CELF2: variants seen among roughly 807,000 people sequenced by gnomAD.
The protein encoded by CELF2 is CUGBP Elav-like family member 2.
In CELF2, 8 loss-of-function variants were observed where a neutral mutation model predicts 62.6. That is an observed-to-expected ratio of 0.13 (90% CI 0.07 to 0.23). The LOEUF (loss-of-function observed/expected upper bound fraction) is 0.23. Ranked by LOEUF, CELF2 falls within the 10% of genes least tolerant of loss-of-function variation. CELF2 has a pLI of 1.00. For synonymous variants in CELF2, 258 were observed against 250.0 expected (o/e 1.03, Z -0.30); for missense variants, 333 against 671.0 (o/e 0.50, Z 5.56).
rs2057527655 is a variant in CELF2, at chr10:11,017,941, G to A, written c.-149G>A. Reference sequence around the variant, plus strand: ...CGCTGGATTTCGGAGGGGATTGGCGGAGCGCGAGGAGAGAATGTGACAAGT... The same window carrying A: ...CGCTGGATTTCGGAGGGGATTGGCGAAGCGCGAGGAGAGAATGTGACAAGT... On this transcript the variant is annotated 5_prime_UTR_variant, in exon 1 of 13. Transcript: ENST00000633077. This position sits in a 1 kb window ranked among gnomAD's most constrained non-coding sequence, Gnocchi z 5.5. 2.3e-5 allele frequency: 23 copies of A among 984,814 alleles called. No homozygotes were observed. The highest frequency in any genetic ancestry group is 2.8e-5 in the Non-Finnish European group (23 of 831,002). The allele number at this position is 984,814 out of a possible 1,614,324, so 61.0% of individuals were successfully genotyped here. A position where few individuals can be genotyped will look rare whatever the true frequency, so the allele number is the denominator to read the frequency against.
At chr10:11,231,457 A>G (rs767872583) in intron 3 of CELF2, among the ~76,000 whole-genome samples, 2 of 152,168 alleles carry the variant, frequency 1.3e-5, no homozygotes, top group Non-Finnish European at 2.9e-5. Context: ...AAGAGAGAGC[A>G]TATACCCAGG....
At chr10:10,609,785 T>C in the CELF2 span, among the ~76,000 whole-genome samples, 1 of 152,230 alleles carries the variant, frequency 6.6e-6, no homozygotes, top group Non-Finnish European at 1.5e-5. Flanking sequence ...CCCAACTGGC[T>C]TGTGACTCAG....
chr10:10,887,232 T>C (rs1197712687), intron 1 of CELF2, among the ~76,000 whole-genome samples: 1 of 152,202 alleles, frequency 6.6e-6, no homozygotes, highest in Non-Finnish European at 1.5e-5. Context: ...TAAGCATTTC[T>C]GACAGTCAGT....
rs151324649 is a variant in CELF2, at chr10:11,034,692, G to A, written c.74+16529G>A. ...TCCCATTCAAAAGAGCTGCAGTGGT[G>A]GTGGTGCACTGCTCCATTAGGTCAG... On this transcript the variant is annotated intron_variant, in intron 1 of 12. Transcript: ENST00000633077. Among the ~76,000 whole-genome samples the A allele has an allele frequency of 6.6e-5, 10 of 152,256 alleles. No individual in the cohort carries two copies. The East Asian group carries it at 1.9e-3, about 29-fold the overall frequency.
At chr10:10,761,755 TG>T in the CELF2 span, among the ~76,000 whole-genome samples, 1 of 152,314 alleles carries the variant, frequency 6.6e-6, no homozygotes, top group African/African-American at 2.4e-5. Flanking sequence ...GCTTCCAGAC[TG>T]GAACACATAC....
intron 1 of CELF2, among the ~76,000 whole-genome samples, chr10:10,903,256 A>G (rs2063077722): frequency 6.6e-6 from 1 of 152,174 alleles, no homozygotes; most frequent in Admixed American, 6.5e-5. Flanking sequence ...TGAGGGTTCT[A>G]CCAGTCCACA....
the CELF2 span, among the ~76,000 whole-genome samples, chr10:10,497,651 G>A: frequency 2.4e-3 from 363 of 152,310 alleles, no homozygotes; most frequent in Non-Finnish European, 4.1e-3. Context: ...CTGCAAGAGA[G>A]TGTTTCAGCC....
chr10:10,749,117 C>T, the CELF2 span, among the ~76,000 whole-genome samples: 1 of 152,094 alleles, frequency 6.6e-6, no homozygotes, highest in Non-Finnish European at 1.5e-5. Context: ...GAAATGCTTG[C>T]AAGAAAACAG....
At chr10:10,596,080 A>G in the CELF2 span, among the ~76,000 whole-genome samples, 1 of 152,086 alleles carries the variant, frequency 6.6e-6, no homozygotes, top group African/African-American at 2.4e-5. Flanking sequence ...GGGAGAAGCA[A>G]GAACCCTTGT....
At position 11,197,047 on chromosome 10, in the gene CELF2, A is replaced by AGGAAAGGAAGAAGAG. The variant is rs140358437; in HGVS notation, c.272-20378_272-20377insGGAAAGGAAGAAGAG. ...AAGAAAAGAAAGAAAGAAAGAAAGA[A>AGGAAAGGAAGAAGAG]AGAAAGAAAGAAAAGAAAGAAAGGA... On this transcript the variant is annotated intron_variant, in intron 2 of 12. Coordinates refer to ENST00000633077, the MANE Select transcript of CELF2 (RefSeq NM_001326342.2). 7.8e-5 allele frequency among the ~76,000 whole-genome samples: 2 copies of AGGAAAGGAAGAAGAG among 25,724 alleles called. 1 individual carries two copies. Among genetic ancestry groups the AGGAAAGGAAGAAGAG allele is most frequent in the Non-Finnish European group, 2.1e-4 (2 of 9,720 alleles). 16.9% of individuals were successfully genotyped at this position (25,724 alleles called of 152,430 possible).
the CELF2 span, among the ~76,000 whole-genome samples, chr10:10,582,060 A>G: frequency 7.2e-5 from 11 of 152,108 alleles, no homozygotes; most frequent in Admixed American, 3.3e-4. Context: ...ATATCCACAT[A>G]TCCTGTCTAG....
chr10:10,906,251 T>C (rs1485364080), intron 1 of CELF2, among the ~76,000 whole-genome samples: 1 of 152,216 alleles, frequency 6.6e-6, no homozygotes, highest in African/African-American at 2.4e-5. Context: ...TACCTAATTT[T>C]CTTCTATCTT....
intron 2 of CELF2, among the ~76,000 whole-genome samples, chr10:11,180,118 G>C (rs1358813784): frequency 6.6e-6 from 1 of 152,150 alleles, no homozygotes; most frequent in Non-Finnish European, 1.5e-5. Context: ...TTTCTAAATT[G>C]TAAAACTCCA....
intron 1 of CELF2, among the ~76,000 whole-genome samples, chr10:11,113,465 G>A (rs1339170116): frequency 6.6e-6 from 1 of 152,158 alleles, no homozygotes; most frequent in East Asian, 1.9e-4. Flanking sequence ...TCAGAGGGTG[G>A]AGGAAAAGGG....
chr10:11,119,195 T>C (rs1310751234), intron 1 of CELF2, among the ~76,000 whole-genome samples: 1 of 152,266 alleles, frequency 6.6e-6, no homozygotes, highest in South Asian at 2.1e-4. Context: ...ACATTTTTTT[T>C]CCCCTTAAAC....
intron 2 of CELF2, among the ~76,000 whole-genome samples, chr10:11,213,196 A>C (rs1185457710): frequency 6.6e-6 from 1 of 152,184 alleles, no homozygotes; most frequent in South Asian, 2.1e-4. Flanking sequence ...CCTCTGATGC[A>C]TGGTGCGACC....
chr10:10,757,756 T>C, the CELF2 span, among the ~76,000 whole-genome samples: 2 of 152,188 alleles, frequency 1.3e-5, no homozygotes, highest in South Asian at 4.1e-4. Context: ...TGGCAAAAAC[T>C]TCCCTTTCTT....
chr10:10,866,967 C>T (rs1806292696), intron 1 of CELF2, among the ~76,000 whole-genome samples: 1 of 150,834 alleles, frequency 6.6e-6, no homozygotes. Flanking sequence ...TCTTTTGTGT[C>T]CTTTGGATGC....
chr10:10,562,910 C>T, the CELF2 span, among the ~76,000 whole-genome samples: 2 of 150,730 alleles, frequency 1.3e-5, no homozygotes, highest in Admixed American at 6.6e-5. Context: ...ACTGAAACTT[C>T]AGGAAGTCTA....
Sources: allele counts gnomAD v4.1 joint callset (sites outside exome capture counted in the v4.1 genomes callset), GRCh38; gene constraint gnomAD v4.1.1; non-coding constraint Gnocchi (gnomAD v3.1); transcripts MANE v1.5; gene names NCBI Gene and HGNC (gene_info 2026-07-23, HGNC 2026-07-21).